LPA: variants seen among roughly 807,000 people sequenced by gnomAD.
LPA encodes the protein lipoprotein(a), also known as apolipoprotein(a).
In LPA, 199 loss-of-function variants were observed where a neutral mutation model predicts 197.9. That is an observed-to-expected ratio of 1.01 (90% CI 0.90 to 1.13). The LOEUF (loss-of-function observed/expected upper bound fraction) is 1.13, where lower values mean the gene tolerates loss of function less well. Ranked by LOEUF, LPA falls within the 50% of genes most tolerant of loss-of-function variation. The probability of loss-of-function intolerance (pLI) is 0.00; values close to 1 mark genes in which losing one functional copy is unlikely to be tolerated. For synonymous variants in LPA, 715 were observed against 639.5 expected, an observed-to-expected ratio of 1.12 and a Z score of -1.78; for missense variants, 1,853 against 1,785.8, an observed-to-expected ratio of 1.04 and a Z score of -0.68.
At chr6:160,606,452 A>G in intron 17 of LPA, 25 bp downstream of exon 17, 1 of 1,612,630 alleles carries the variant, frequency 6.2e-7, no homozygotes, top group Non-Finnish European at 8.5e-7. Flanking sequence ...CGAAACGTGT[A>G]GGTTTCTGGC....
chr6:160,580,971 A>T (rs1345346186), intron 26 of LPA, among the ~76,000 whole-genome samples: 1 of 151,392 alleles, frequency 6.6e-6, no homozygotes, highest in East Asian at 1.9e-4. Context: ...TTCTTCCCTC[A>T]AAAAATTTTT....
chr6:160,566,046 T>C (rs1425040580), intron 28 of LPA, among the ~76,000 whole-genome samples: 1 of 152,162 alleles, frequency 6.6e-6, no homozygotes, highest in African/African-American at 2.4e-5. Flanking sequence ...AGACCAAATC[T>C]ACATCTGCTT....
At chr6:160,568,639 C>T (rs904825142) in intron 28 of LPA, among the ~76,000 whole-genome samples, 3 of 152,106 alleles carry the variant, frequency 2.0e-5, no homozygotes, top group Non-Finnish European at 4.4e-5. Context: ...CTGGCCAGGG[C>T]AATTAGGCAG....
chr6:160,561,702 G>A (rs1778365126), intron 28 of LPA, among the ~76,000 whole-genome samples: 1 of 152,180 alleles, frequency 6.6e-6, no homozygotes. Context: ...CAATCCATTA[G>A]CATGGAATGT....
chr6:160,583,521 C>G (rs1778839177), intron 26 of LPA, among the ~76,000 whole-genome samples: 1 of 152,140 alleles, frequency 6.6e-6, no homozygotes, highest in Admixed American at 6.6e-5. Context: ...GGTCAGAGCT[C>G]AAATACCTCC....
intron 28 of LPA, among the ~76,000 whole-genome samples, chr6:160,560,076 G>C (rs913271501): frequency 5.3e-5 from 8 of 152,200 alleles, no homozygotes; most frequent in Admixed American, 1.3e-4. Context: ...TGCTGAGAAT[G>C]ATGGTTTCCA....
chr6:160,656,439 T>A (rs1780134521), intron 1 of LPA, among the ~76,000 whole-genome samples: 2 of 152,204 alleles, frequency 1.3e-5, no homozygotes, highest in African/African-American at 4.8e-5. Context: ...AGAGGATAAG[T>A]CCAGGGACCC....
chr6:160,567,096 G>C (rs1235077398), intron 28 of LPA, among the ~76,000 whole-genome samples: 3 of 152,062 alleles, frequency 2.0e-5, no homozygotes, highest in Non-Finnish European at 4.4e-5. Context: ...GAGACAGAAA[G>C]TTAACATGGA....
At chr6:160,654,859 G>A (rs1418088612) in intron 1 of LPA, among the ~76,000 whole-genome samples, 1 of 152,198 alleles carries the variant, frequency 6.6e-6, no homozygotes, top group Non-Finnish European at 1.5e-5. Flanking sequence ...TTCGGGTGGT[G>A]CCTGCATATC....
chr6:160,535,118 ATGGTTACAGTGATGG>A (rs1777866969), intron 37 of LPA, among the ~76,000 whole-genome samples: 2 of 133,642 alleles, frequency 1.5e-5, no homozygotes, highest in Admixed American at 1.5e-4. Flanking sequence ...GGTGGTGATG[ATGGTTACAGTGATGG>A]TGGTATTGGA....
In LPA at chr6:160,606,168, C is replaced by G. The variant is rs759518039; in HGVS notation, c.2785+309G>C. ...TACTGGCTTGGAAAGAGTCACACAT[C>G]TGACAGCATGTTACAATAAAAATTT... On this transcript the variant is annotated intron_variant, in intron 17 of 38. Coordinates refer to ENST00000316300, the MANE Select transcript of LPA (RefSeq NM_005577.4). Among the ~76,000 whole-genome samples the G allele has an allele frequency of 1.4e-4, 21 of 152,208 alleles. No homozygotes were observed. In the South Asian group the frequency reaches 1.9e-3, roughly 14 times the overall value.
intron 16 of LPA, among the ~76,000 whole-genome samples, chr6:160,610,711 A>G (rs966154881): frequency 3.9e-5 from 6 of 152,100 alleles, no homozygotes; most frequent in East Asian, 3.9e-4. Flanking sequence ...CCAAACTCCA[A>G]TCCCTCTCCT....
intron 16 of LPA, among the ~76,000 whole-genome samples, chr6:160,607,103 A>G (rs1319669230): frequency 6.6e-6 from 1 of 152,078 alleles, no homozygotes; most frequent in Admixed American, 6.5e-5. Context: ...TGCAAGTTGC[A>G]ACTAACAGGT....
At chr6:160,558,082 G>A (rs1778298072) in intron 28 of LPA, among the ~76,000 whole-genome samples, 1 of 152,046 alleles carries the variant, frequency 6.6e-6, no homozygotes, top group Non-Finnish European at 1.5e-5. Flanking sequence ...ACCACGCCTG[G>A]CTAATTTTTT....
At chr6:160,571,502 C>A (rs942844384) in intron 28 of LPA, among the ~76,000 whole-genome samples, 3 of 152,102 alleles carry the variant, frequency 2.0e-5, no homozygotes, top group African/African-American at 7.2e-5. Flanking sequence ...TTGCTCTGTC[C>A]CAGGGAGATG....
At chr6:160,576,690 GTATATATA>G (rs71033585) in intron 28 of LPA, among the ~76,000 whole-genome samples, 3 of 76,680 alleles carry the variant, frequency 3.9e-5, no homozygotes, top group East Asian at 3.3e-4. Flanking sequence ...GTGTGTGTGT[GTATATATA>G]TATATATATA....
rs767484310 is a variant in LPA, at chr6:160,643,083, A to AGTGTGTGT, written c.551+1756_551+1763dup. On this transcript the variant is annotated intron_variant, in intron 4 of 38. Transcript: ENST00000316300. Reference sequence around the variant, plus strand: ...TGTGTGTGAGTATGGGTGTGTTTTCAGTGTGTGTGTGTGTGTGTGTGTGTG... The same window carrying AGTGTGTGT: ...TGTGTGTGAGTATGGGTGTGTTTTCAGTGTGTGTGTGTGTGTGTGTGTGTGTGTGTGTG... Among the ~76,000 whole-genome samples the AGTGTGTGT allele has an allele frequency of 1.9e-3, 245 of 130,856 alleles. 1 individual carries two copies. Among genetic ancestry groups the AGTGTGTGT allele is most frequent in the African/African-American group, 5.9e-3 (210 of 35,812 alleles). 85.8% of individuals were successfully genotyped at this position (130,856 alleles called of 152,430 possible).
At chr6:160,541,042 G>T in intron 35 of LPA, 65 bp downstream of exon 35, 1 of 1,333,234 alleles carries the variant, frequency 7.5e-7, no homozygotes, top group South Asian at 1.2e-5. Flanking sequence ...AGAAGGGATG[G>T]AGGAAGAGAG....
chr6:160,599,093 C>T (rs898448516), intron 20 of LPA, among the ~76,000 whole-genome samples: 8 of 152,154 alleles, frequency 5.3e-5, no homozygotes, highest in Non-Finnish European at 1.2e-4. Context: ...CCTGTAATCC[C>T]AGCACTTTGG....
Sources: allele counts gnomAD v4.1 joint callset (sites outside exome capture counted in the v4.1 genomes callset), GRCh38; gene constraint gnomAD v4.1.1; transcripts MANE v1.5; gene names NCBI Gene and HGNC (gene_info 2026-07-23, HGNC 2026-07-21).